The following ASAP1 variants were observed in gnomAD, a reference collection of about 807,000 sequenced individuals.
The protein encoded by ASAP1 is arf-GAP with SH3 domain, ANK repeat and PH domain-containing protein 1.
A neutral mutation model predicts 145.2 loss-of-function variants in ASAP1; 43 were observed. The observed-to-expected ratio is 0.30, with a 90% CI of 0.23 to 0.38. The LOEUF (loss-of-function observed/expected upper bound fraction) is 0.38. Among genes scored for constraint, ASAP1 ranks in the 10% least tolerant of loss-of-function variants. The probability of loss-of-function intolerance (pLI) is 1.00; values close to 1 mark genes in which losing one functional copy is unlikely to be tolerated. For synonymous variants in ASAP1, 546 were observed against 515.5 expected, an observed-to-expected ratio of 1.06 and a Z score of -0.80; for missense variants, 1,018 against 1,355.3, an observed-to-expected ratio of 0.75 and a Z score of 3.91.
chr8:130,099,967 G>A (rs7843126), intron 24 of ASAP1, among the ~76,000 whole-genome samples: 34,245 of 152,102 alleles, frequency 0.23, 4,165 homozygotes, highest in South Asian at 0.36. Context: ...TAGCACTGCA[G>A]TAAACATGGG....
At chr8:130,291,909 C>T (rs559971371) in intron 3 of ASAP1, among the ~76,000 whole-genome samples, 18 of 152,270 alleles carry the variant, frequency 1.2e-4, no homozygotes, top group East Asian at 3.9e-4. Flanking sequence ...GTAATGTGCA[C>T]GTATTCCGTA....
At chr8:130,224,779 A>G (rs1031593635) in intron 4 of ASAP1, among the ~76,000 whole-genome samples, 4 of 152,232 alleles carry the variant, frequency 2.6e-5, no homozygotes, top group Non-Finnish European at 5.9e-5. Context: ...ACACAATGCT[A>G]CAATAAATAC....
chr8:130,358,145 T>C lies in ASAP1; in HGVS notation c.60-2A>G. 6.2e-7 allele frequency: 1 copy of C among 1,601,106 alleles called. No homozygotes were observed. Among genetic ancestry groups the C allele is most frequent in the Non-Finnish European group, 8.5e-7 (1 of 1,175,332 alleles). ...GAGACAGAGATCTGGTCCGGCATCCTGCCGGGAGGGACGAGACACAAGCGG... is the reference window on the plus strand; with the variant it reads ...GAGACAGAGATCTGGTCCGGCATCCCGCCGGGAGGGACGAGACACAAGCGG... On this transcript the variant is annotated splice_acceptor_variant, in intron 2 of 29. Coordinates refer to ENST00000518721, the MANE Select transcript of ASAP1 (RefSeq NM_018482.4). LOFTEE classifies it high-confidence loss of function. This position sits in a 1 kb window ranked among gnomAD's most constrained non-coding sequence, Gnocchi z 4.1.
chr8:130,052,960 C>G lies in ASAP1; in HGVS notation c.*1771G>C, dbSNP rs1191249774. The G allele has an allele frequency of 6.6e-6, 1 of 152,148 alleles. No individual in the cohort carries two copies. The highest frequency in any genetic ancestry group is 1.9e-4 in the East Asian group (1 of 5,194). The allele number at this position is 152,148 out of a possible 1,614,324, so 9.4% of individuals were successfully genotyped here. ...CCAGCATGTCAACTGGTTCCTCATG[C>G]TCTGTTTGGTGTGGAAATTCACATG... On this transcript the variant is annotated 3_prime_UTR_variant, in exon 30 of 30. Transcript: ENST00000518721.
chr8:130,265,861 G>A (rs75846219), intron 3 of ASAP1, among the ~76,000 whole-genome samples: 3,969 of 152,242 alleles, frequency 0.026, 61 homozygotes, highest in Middle Eastern at 0.044. Flanking sequence ...AAGCCTGGGC[G>A]AAAGTGAAAC....
chr8:130,067,491 G>A (rs1198676847), intron 27 of ASAP1, among the ~76,000 whole-genome samples: 1 of 152,130 alleles, frequency 6.6e-6, no homozygotes, highest in Non-Finnish European at 1.5e-5. Flanking sequence ...GACCTCTTGG[G>A]TCCAAGAGAT....
At position 130,377,320 on chromosome 8, in the gene ASAP1, A is replaced by T. The variant is rs190629183; in HGVS notation, c.60-19177T>A. On this transcript the variant is annotated intron_variant, in intron 2 of 29. Transcript: ENST00000518721. ...TGGGTGCACCAAAAGCTCACAAATC[A>T]CCACTAAATACCTTATTCAAGTAAC... 7.8e-4 allele frequency among the ~76,000 whole-genome samples: 119 copies of T among 152,232 alleles called. 1 individual carries two copies. Among genetic ancestry groups the T allele is most frequent in the South Asian group, 5.2e-3 (25 of 4,826 alleles).
At chr8:130,112,463 C>T in intron 23 of ASAP1, 141 bp from the exon 24 acceptor site, 1 of 635,888 alleles carries the variant, frequency 1.6e-6, no homozygotes, top group South Asian at 2.0e-5. Flanking sequence ...CAATGAGCCT[C>T]ATGATGCTGA....
intron 27 of ASAP1, among the ~76,000 whole-genome samples, chr8:130,066,747 T>C (rs910514410): frequency 6.6e-6 from 1 of 152,206 alleles, no homozygotes; most frequent in African/African-American, 2.4e-5. Flanking sequence ...AGCACATTGA[T>C]GTAAACTGCA....
intron 13 of ASAP1, among the ~76,000 whole-genome samples, chr8:130,151,084 G>A (rs1165628051): frequency 6.6e-6 from 1 of 151,784 alleles, no homozygotes; most frequent in Non-Finnish European, 1.5e-5. Flanking sequence ...AAAGATTGCT[G>A]AAGAAGGGCC....
chr8:130,417,613 T>C (rs1829540555), intron 1 of ASAP1, among the ~76,000 whole-genome samples: 2 of 149,538 alleles, frequency 1.3e-5, no homozygotes, highest in Admixed American at 6.7e-5. Flanking sequence ...AGTCCTGGCT[T>C]CAGGGGAAAA....
At chr8:130,109,912 A>G (rs147462415) in intron 24 of ASAP1, among the ~76,000 whole-genome samples, 1 of 152,352 alleles carries the variant, frequency 6.6e-6, no homozygotes, top group Admixed American at 6.5e-5. Context: ...ACAGCCATGA[A>G]GAACACTCTT....
At chr8:130,300,113 T>TACACAC (rs373589102) in intron 3 of ASAP1, among the ~76,000 whole-genome samples, 2,436 of 72,470 alleles carry the variant, frequency 0.034, 42 homozygotes, top group African/African-American at 0.048. Flanking sequence ...AAAAGAAAAA[T>TACACAC]ACACACACAC....
At chr8:130,154,140 T>C (rs2097653277) in intron 12 of ASAP1, among the ~76,000 whole-genome samples, 3 of 152,192 alleles carry the variant, frequency 2.0e-5, no homozygotes, top group Non-Finnish European at 2.9e-5. Context: ...GGCTCAAGAA[T>C]GCATCATCAT....
At chr8:130,170,516 T>TAAC (rs1813517634) in intron 9 of ASAP1, among the ~76,000 whole-genome samples, 3 of 152,162 alleles carry the variant, frequency 2.0e-5, no homozygotes, top group Admixed American at 2.0e-4. Flanking sequence ...TCAGTGGCAA[T>TAAC]AACACAGGCT....
chr8:130,109,683 GA>G (rs2097543594), intron 24 of ASAP1, among the ~76,000 whole-genome samples: 1 of 152,166 alleles, frequency 6.6e-6, no homozygotes, highest in African/African-American at 2.4e-5. Context: ...AAACAGAGAA[GA>G]ATTATCTCTG....
chr8:130,112,514 C>T (rs764034354), intron 23 of ASAP1, 192 bp from the exon 24 acceptor site: 21 of 544,772 alleles, frequency 3.9e-5, no homozygotes, highest in African/African-American at 9.5e-5. Flanking sequence ...ACTTTCATAT[C>T]GTTCACCACT....
intron 1 of ASAP1, among the ~76,000 whole-genome samples, chr8:130,439,946 C>T (rs545708764): frequency 6.6e-6 from 1 of 152,308 alleles, no homozygotes; most frequent in African/African-American, 2.4e-5. Context: ...ACTTGATTTT[C>T]TCCATGAGCA....
At chr8:130,115,543 A>T (rs769921713) in intron 23 of ASAP1, 85 bp downstream of exon 23, 66 of 1,039,300 alleles carry the variant, frequency 6.4e-5, no homozygotes, top group Non-Finnish European at 9.4e-5. Flanking sequence ...ACAATCAATC[A>T]ATCTCACCAA....
Sources: allele counts gnomAD v4.1 joint callset (sites outside exome capture counted in the v4.1 genomes callset), GRCh38; gene constraint gnomAD v4.1.1; non-coding constraint Gnocchi (gnomAD v3.1); transcripts MANE v1.5; gene names NCBI Gene and HGNC (gene_info 2026-07-23, HGNC 2026-07-21).